Variants in CACNA2D1 observed in about 807,000 individuals in gnomAD.
CACNA2D1 encodes the protein voltage-dependent calcium channel subunit alpha-2/delta-1.
In CACNA2D1, 53 loss-of-function variants were observed where a neutral mutation model predicts 171.5. That is an observed-to-expected ratio of 0.31 (90% CI 0.25 to 0.39). The LOEUF is 0.39. CACNA2D1 is among the 10% of genes least tolerant of loss of function. The pLI is 1.00. For synonymous variants in CACNA2D1, 442 were observed against 443.1 expected, an observed-to-expected ratio of 1.00 and a Z score of 0.03; for missense variants, 903 against 1,299.8, an observed-to-expected ratio of 0.69 and a Z score of 4.69.
chr7:82,227,192 A>G (rs1802454489), intron 3 of CACNA2D1, among the ~76,000 whole-genome samples: 1 of 152,184 alleles, frequency 6.6e-6, no homozygotes, highest in Non-Finnish European at 1.5e-5. Context: ...TCCATTCTCA[A>G]TGAGTTCAGG....
intron 12 of CACNA2D1, among the ~76,000 whole-genome samples, chr7:82,025,955 A>G (rs1178816960): frequency 6.6e-6 from 1 of 150,600 alleles, no homozygotes; most frequent in Non-Finnish European, 1.5e-5. Context: ...TTATATATTT[A>G]GATGTTCTGA....
rs1792093929 is a variant in CACNA2D1 at position 81,946,936 on chromosome 7, T to C, written c.*3456A>G. On this transcript the variant is annotated 3_prime_UTR_variant, in exon 39 of 39. Transcript: ENST00000356860. ...AGAAATGTACTGTGAATATTGACAT[T>C]CTGCTATGGGAAACAATACAAGTTT... 1 of 152,204 alleles carries C rather than the reference T, an allele frequency of 6.6e-6. No individual in the cohort carries two copies. The highest frequency in any genetic ancestry group is 2.1e-4 in the South Asian group (1 of 4,824). The allele number at this position is 152,204 out of a possible 1,614,324, so 9.4% of individuals were successfully genotyped here.
chr7:82,369,537 C>A (rs1017570123), intron 1 of CACNA2D1, among the ~76,000 whole-genome samples: 1 of 151,866 alleles, frequency 6.6e-6, no homozygotes, highest in Non-Finnish European at 1.5e-5. Flanking sequence ...ATATTCATTA[C>A]ATCACAAGAA....
At chr7:82,034,381 TTTTC>T (rs1803055098) in intron 11 of CACNA2D1, among the ~76,000 whole-genome samples, 1 of 152,092 alleles carries the variant, frequency 6.6e-6, no homozygotes. Context: ...AATACAACGT[TTTTC>T]TTTATTAATG....
chr7:82,311,776 C>A (rs1485464008), intron 3 of CACNA2D1, among the ~76,000 whole-genome samples: 2 of 152,106 alleles, frequency 1.3e-5, no homozygotes, highest in African/African-American at 2.4e-5. Flanking sequence ...ACTAGAAAGA[C>A]ATATTTTAAA....
intron 1 of CACNA2D1, among the ~76,000 whole-genome samples, chr7:82,384,795 T>C (rs963602771): frequency 1.3e-4 from 20 of 152,296 alleles, no homozygotes; most frequent in African/African-American, 4.1e-4. Flanking sequence ...TTGAGATCAG[T>C]AGACGTTAGG....
intron 18 of CACNA2D1, chr7:82,001,640 T>TA: frequency 5.6e-6 from 6 of 1,068,788 alleles, no homozygotes; most frequent in Non-Finnish European, 7.7e-6. Flanking sequence ...CTGTTAAGGC[T>TA]ACCTTCATTC....
intron 5 of CACNA2D1, among the ~76,000 whole-genome samples, chr7:82,127,491 C>T (rs1790459613): frequency 6.6e-6 from 1 of 152,114 alleles, no homozygotes; most frequent in Non-Finnish European, 1.5e-5. Flanking sequence ...TTACTGTATA[C>T]TATAAAATAA....
intron 1 of CACNA2D1, among the ~76,000 whole-genome samples, chr7:82,356,357 C>G (rs957221417): frequency 2.4e-4 from 37 of 152,174 alleles, no homozygotes; most frequent in African/African-American, 8.9e-4. Context: ...CTGTATATAA[C>G]CTCTACCTGG....
intron 4 of CACNA2D1, among the ~76,000 whole-genome samples, chr7:82,146,948 G>A (rs1187750367): frequency 8.6e-6 from 1 of 115,950 alleles, no homozygotes; most frequent in Non-Finnish European, 1.6e-5. Flanking sequence ...CAGCACCACT[G>A]CTCTCCAGCC....
chr7:82,419,304 C>G (rs1282864058), intron 1 of CACNA2D1, among the ~76,000 whole-genome samples: 1 of 152,026 alleles, frequency 6.6e-6, no homozygotes, highest in Admixed American at 6.6e-5. Context: ...AAACAAATAC[C>G]CTTAGCAAGA....
chr7:82,051,758 C>T (rs1805221819), intron 10 of CACNA2D1, among the ~76,000 whole-genome samples: 1 of 152,174 alleles, frequency 6.6e-6, no homozygotes, highest in Non-Finnish European at 1.5e-5. Context: ...AAATTCAAAT[C>T]CCTGTGTCAA....
intron 6 of CACNA2D1, among the ~76,000 whole-genome samples, chr7:82,109,710 CTGTTT>C (rs1372958094): frequency 2.6e-5 from 4 of 152,096 alleles, no homozygotes; most frequent in Admixed American, 2.6e-4. Context: ...AAAAATTGTT[CTGTTT>C]TATTCATCTT....
chr7:82,014,608 C>A (rs1800198901), intron 12 of CACNA2D1, 129 bp from the exon 13 acceptor site: 2 of 665,324 alleles, frequency 3.0e-6, no homozygotes, highest in South Asian at 1.7e-5. Context: ...AAAACTGAGG[C>A]CAGTAAAGCC....
At chr7:82,230,186 C>T (rs1802780989) in intron 3 of CACNA2D1, among the ~76,000 whole-genome samples, 1 of 152,178 alleles carries the variant, frequency 6.6e-6, no homozygotes, top group Non-Finnish European at 1.5e-5. Context: ...GCACCACAGC[C>T]TCCCCAAAAC....
chr7:82,118,211 A>G (rs1444674681), intron 5 of CACNA2D1, among the ~76,000 whole-genome samples: 1 of 152,152 alleles, frequency 6.6e-6, no homozygotes, highest in Non-Finnish European at 1.5e-5. Context: ...TTGGAACTAT[A>G]CTTTTGATAC....
intron 5 of CACNA2D1, among the ~76,000 whole-genome samples, chr7:82,118,534 C>T (rs1045099651): frequency 7.2e-5 from 11 of 152,002 alleles, no homozygotes; most frequent in Non-Finnish European, 1.5e-4. Context: ...ATAACTTGTG[C>T]TTTCTGGTTT....
intron 2 of CACNA2D1, among the ~76,000 whole-genome samples, chr7:82,347,666 A>G (rs1301614584): frequency 6.6e-5 from 10 of 152,100 alleles, no homozygotes; most frequent in African/African-American, 2.4e-4. Flanking sequence ...CCTAGTACTT[A>G]AATTCTATTT....
intron 3 of CACNA2D1, among the ~76,000 whole-genome samples, chr7:82,280,861 T>G (rs1180991159): frequency 6.6e-6 from 1 of 152,134 alleles, no homozygotes. Flanking sequence ...ATTATTTATT[T>G]GTCTGAGGTC....
Sources: allele counts gnomAD v4.1 joint callset (sites outside exome capture counted in the v4.1 genomes callset), GRCh38; gene constraint gnomAD v4.1.1; transcripts MANE v1.5; gene names NCBI Gene and HGNC (gene_info 2026-07-23, HGNC 2026-07-21).